The following RNLS variants were observed in gnomAD, a reference collection of about 807,000 sequenced individuals.
RNLS encodes renalase.
In RNLS, 39 loss-of-function variants were observed where a neutral mutation model predicts 39.8. The ratio of observed to expected loss-of-function variants is 0.98; its 90% CI spans 0.76 to 1.28. RNLS has a LOEUF of 1.28. Among genes scored for constraint, RNLS ranks in the 50% most tolerant of loss-of-function variants. The probability of loss-of-function intolerance (pLI) is 0.00; values close to 1 mark genes in which losing one functional copy is unlikely to be tolerated. For missense variants in RNLS, 410 were observed against 413.3 expected, an observed-to-expected ratio of 0.99 and a Z score of 0.07; for synonymous variants, 147 against 150.7, an observed-to-expected ratio of 0.98 and a Z score of 0.18.
Position 88,469,822 on chromosome 10 carries a change from CGTGTGT to C in RNLS, c.526+103075_526+103080del, listed in dbSNP as rs199651876. Among the ~76,000 whole-genome samples the C allele has an allele frequency of 9.6e-3, 1,330 of 138,082 alleles. 8 individuals carry two copies. Among genetic ancestry groups the C allele is most frequent in the East Asian group, 0.047 (223 of 4,744 alleles). The allele number at this position is 138,082 out of a possible 152,430, so 90.6% of individuals were successfully genotyped here. A position where few individuals can be genotyped will look rare whatever the true frequency, so the allele number is the denominator to read the frequency against. On this transcript the variant is annotated intron_variant, in intron 4 of 6. Coordinates refer to ENST00000331772, the MANE Select transcript of RNLS (RefSeq NM_001031709.3). ...ATGGGTCAATATTTTTATGTGTGTG[CGTGTGT>C]GTGTGTGTGTGTGTGTGTGTGTGTG...
chr10:88,370,045 G>A (rs768594878), intron 4 of RNLS, among the ~76,000 whole-genome samples: 1 of 152,086 alleles, frequency 6.6e-6, no homozygotes, highest in African/African-American at 2.4e-5. Flanking sequence ...CTGGGACCCT[G>A]ACTGAAACAA....
intron 5 of RNLS, among the ~76,000 whole-genome samples, chr10:88,358,843 C>A (rs1276912951): frequency 2.0e-5 from 3 of 152,224 alleles, no homozygotes; most frequent in East Asian, 1.9e-4. Flanking sequence ...CAAGACTTAA[C>A]AACTGACTGT....
At chr10:88,198,493 G>A in the RNLS span, among the ~76,000 whole-genome samples, 1 of 152,162 alleles carries the variant, frequency 6.6e-6, no homozygotes, top group Non-Finnish European at 1.5e-5. Context: ...CAAGTTTTAT[G>A]CCTGATGATA....
chr10:88,551,067 C>T (rs562249282), intron 4 of RNLS, among the ~76,000 whole-genome samples: 3 of 152,246 alleles, frequency 2.0e-5, no homozygotes, highest in Admixed American at 6.5e-5. Context: ...TATATTAAAC[C>T]CAGAAGGCAT....
chr10:88,433,142 A>AT (rs1261354748), intron 4 of RNLS, among the ~76,000 whole-genome samples: 4 of 152,126 alleles, frequency 2.6e-5, no homozygotes, highest in African/African-American at 4.8e-5. Flanking sequence ...TATTTCTGTG[A>AT]TTTTTTGCTG....
At chr10:88,245,777 G>A in the RNLS span, among the ~76,000 whole-genome samples, 1 of 152,042 alleles carries the variant, frequency 6.6e-6, no homozygotes, top group Admixed American at 6.6e-5. Context: ...TGCCAGAAAA[G>A]CATTAAAATC....
intron 4 of RNLS, among the ~76,000 whole-genome samples, chr10:88,456,040 C>G (rs974711017): frequency 1.3e-5 from 2 of 152,160 alleles, no homozygotes; most frequent in Admixed American, 6.5e-5. Flanking sequence ...TTTGACAAAA[C>G]CCAGTCCTAA....
Position 88,350,279 on chromosome 10 carries a change from C to T in RNLS, c.700+12273G>A, listed in dbSNP as rs576576945. Among the ~76,000 whole-genome samples the T allele has an allele frequency of 5.3e-5, 8 of 151,778 alleles. No homozygotes were observed. In the East Asian group the frequency reaches 1.2e-3, roughly 22 times the overall value. ...TAAGTTCTAGGGTACATGTGCACAA[C>T]GTGCAGGTTTGTTACATATGTATAC... On this transcript the variant is annotated intron_variant, in intron 5 of 6. Transcript: ENST00000331772.
In RNLS at chr10:88,573,059, C is replaced by T; in HGVS notation, c.370G>A (p.Ala124Thr). 1 of 1,613,118 alleles carries T rather than the reference C, an allele frequency of 6.2e-7. No homozygotes were observed. Among genetic ancestry groups the T allele is most frequent in the African/African-American group, 1.3e-5 (1 of 75,010 alleles). ...ACACGATGTCTGAAGTAGACTTCTG[C>T]ACCTGTTCCAAAAGCAAAATCATGT... ...IIKHYLKESGAEVYFRHRVTQ... is the reference protein window; with the variant it reads ...IIKHYLKESGTEVYFRHRVTQ... The change falls in exon 4 of 7, where the codon GCA becomes ACA. Residue 124 changes from alanine (A) to threonine (T), a missense_variant and splice_region_variant. By Grantham distance (58) the Ala-to-Thr change is moderately conservative. Coordinates refer to ENST00000331772, the MANE Select transcript of RNLS (RefSeq NM_001031709.3).
the RNLS span, among the ~76,000 whole-genome samples, chr10:88,241,209 GTTAT>G: frequency 2.7e-5 from 4 of 148,216 alleles, no homozygotes; most frequent in Non-Finnish European, 4.5e-5. Context: ...TTCTGGAATG[GTTAT>G]TTGTTAGGGG....
chr10:88,516,140 A>T (rs1474420758), intron 4 of RNLS, among the ~76,000 whole-genome samples: 1 of 152,174 alleles, frequency 6.6e-6, no homozygotes, highest in South Asian at 2.1e-4. Context: ...GAACCGTGAG[A>T]AAATAAATTT....
chr10:88,297,260 G>A (rs1844157273), intron 6 of RNLS, among the ~76,000 whole-genome samples: 1 of 152,148 alleles, frequency 6.6e-6, no homozygotes, highest in African/African-American at 2.4e-5. Context: ...ATTCCTACCA[G>A]TGATATGTGA....
At chr10:88,202,876 G>T in the RNLS span, among the ~76,000 whole-genome samples, 1 of 152,072 alleles carries the variant, frequency 6.6e-6, no homozygotes, top group Admixed American at 6.6e-5. Context: ...GTGGCCACAT[G>T]TTCCTTGCAA....
intron 4 of RNLS, among the ~76,000 whole-genome samples, chr10:88,397,423 A>G (rs1056455798): frequency 6.6e-6 from 1 of 151,980 alleles, no homozygotes; most frequent in African/African-American, 2.4e-5. Flanking sequence ...TTTGAAATAA[A>G]TGAAAATGAA....
At chr10:88,240,476 C>T in the RNLS span, among the ~76,000 whole-genome samples, 1 of 151,864 alleles carries the variant, frequency 6.6e-6, no homozygotes, top group Admixed American at 6.6e-5. Flanking sequence ...CCTTCTCATA[C>T]AAGAAATACT....
intron 6 of RNLS, among the ~76,000 whole-genome samples, chr10:88,313,996 G>A (rs899453190): frequency 7.9e-5 from 12 of 152,198 alleles, no homozygotes; most frequent in African/African-American, 2.9e-4. Context: ...CCCCCAGAGA[G>A]CTCAGCTGGC....
rs10676559 is a variant in RNLS, at chr10:88,470,617, ATT to A, written c.526+102284_526+102285del. Among the ~76,000 whole-genome samples, 94 of 141,684 alleles carry A rather than the reference ATT, an allele frequency of 6.6e-4. 1 individual carries two copies. The highest frequency in any genetic ancestry group is 2.3e-3 in the African/African-American group (87 of 38,104). 93.0% of individuals were successfully genotyped at this position (141,684 alleles called of 152,430 possible). On this transcript the variant is annotated intron_variant, in intron 4 of 6. Transcript: ENST00000331772. Reference sequence around the variant, plus strand: ...ACTATACAAATGTTTTGTAATTTTAATTTTTTTTTTTTTTTTGAGACAGAGTC... The same window carrying A: ...ACTATACAAATGTTTTGTAATTTTAATTTTTTTTTTTTTTGAGACAGAGTC...
intron 4 of RNLS, among the ~76,000 whole-genome samples, chr10:88,444,002 T>G (rs984010787): frequency 1.3e-5 from 2 of 152,216 alleles, no homozygotes; most frequent in Non-Finnish European, 2.9e-5. Flanking sequence ...GTTTGAGATG[T>G]GAGAACGGAC....
At chr10:88,502,044 T>C (rs1055977622) in intron 4 of RNLS, among the ~76,000 whole-genome samples, 4 of 152,114 alleles carry the variant, frequency 2.6e-5, no homozygotes, top group Admixed American at 1.3e-4. Flanking sequence ...TTTGTATCCA[T>C]TGTTCTGCCT....
Sources: allele counts gnomAD v4.1 joint callset (sites outside exome capture counted in the v4.1 genomes callset), GRCh38; gene constraint gnomAD v4.1.1; transcripts MANE v1.5; gene names NCBI Gene and HGNC (gene_info 2026-07-23, HGNC 2026-07-21).